DCLRE1C: variants seen among roughly 807,000 people sequenced by gnomAD.
The protein encoded by DCLRE1C is DNA cross-link repair 1C.
A neutral mutation model predicts 61.4 loss-of-function variants in DCLRE1C; 47 were observed. The observed-to-expected ratio is 0.77, with a 90% CI of 0.61 to 0.98. DCLRE1C has a LOEUF of 0.98. DCLRE1C is among the 50% of genes least tolerant of loss of function. The pLI is 0.00. For missense variants in DCLRE1C, 858 were observed against 816.0 expected (o/e 1.05, Z -0.63); for synonymous variants, 337 against 287.6 (o/e 1.17, Z -1.74).
At chr10:14,948,023 C>G (rs1352701523) in intron 2 of DCLRE1C, among the ~76,000 whole-genome samples, 1 of 152,142 alleles carries the variant, frequency 6.6e-6, no homozygotes, top group African/African-American at 2.4e-5. Context: ...GCACTCCAGC[C>G]TGGGCGACAG....
chr10:14,953,839 C>T (rs1287137560), intron 1 of DCLRE1C, 63 bp downstream of exon 1: 18 of 1,604,486 alleles, frequency 1.1e-5, no homozygotes, highest in African/African-American at 2.7e-5. Context: ...AGGGCCGGCC[C>T]CCTCCTGTCC....
At chr10:14,937,441 C>T (rs1840130438) in intron 4 of DCLRE1C, among the ~76,000 whole-genome samples, 1 of 151,966 alleles carries the variant, frequency 6.6e-6, no homozygotes, top group Non-Finnish European at 1.5e-5. Context: ...TGCCATCACG[C>T]CTGGCTAATT....
chr10:14,927,074 T>C (rs915713598), intron 10 of DCLRE1C, among the ~76,000 whole-genome samples, 177 bp from the exon 11 acceptor site: 5 of 152,196 alleles, frequency 3.3e-5, no homozygotes, highest in African/African-American at 1.2e-4. Context: ...GCAGGGAACC[T>C]TTTCCAGAAG....
At chr10:14,939,278 A>T (rs183308765) in intron 4 of DCLRE1C, among the ~76,000 whole-genome samples, 76 of 152,150 alleles carry the variant, frequency 5.0e-4, no homozygotes, top group African/African-American at 1.6e-3. Flanking sequence ...CTCTACTAAA[A>T]ATACAATAAT....
At chr10:14,953,841 C>G (rs1473339118) in intron 1 of DCLRE1C, 61 bp downstream of exon 1, 3 of 1,605,964 alleles carry the variant, frequency 1.9e-6, no homozygotes, top group Non-Finnish European at 1.7e-6. Context: ...GGCCGGCCCC[C>G]TCCTGTCCTC....
exon 14 of DCLRE1C, chr10:14,897,694 CT>C: frequency 2.1e-6 from 1 of 468,478 alleles, no homozygotes; most frequent in Non-Finnish European, 3.4e-6. Context: ...AAATAAAAAA[CT>C]TTTATATGAA....
chr10:14,917,356 T>C lies in DCLRE1C; in HGVS notation c.1156+2382A>G, dbSNP rs191117224. On this transcript the variant is annotated intron_variant, in intron 13 of 13. Transcript: ENST00000378278. ...TGGGTCAAAGATTTCTTAGATATGA[T>C]ACAAAAAAAAGTAAAAATTGATAAG... Among the ~76,000 whole-genome samples the C allele has an allele frequency of 2.2e-3, 335 of 151,874 alleles. 2 individuals carry two copies. The highest frequency in any genetic ancestry group is 3.1e-3 in the Non-Finnish European group (209 of 67,930).
At position 14,923,008 on chromosome 10, in the gene DCLRE1C, C is replaced by A; in HGVS notation, c.1034G>T (p.Gly345Val). 1 of 1,614,126 alleles carries A rather than the reference C, an allele frequency of 6.2e-7. No individual in the cohort carries two copies. The highest frequency in any genetic ancestry group is 8.5e-7 in the Non-Finnish European group (1 of 1,179,976). ...TTCGACAACTTTATCCATAGTTGTG[C>A]CAACTGGAATGACATTTGGATATGC... Reference protein sequence around the residue: ...VNAYPNVIPVGTTMDKVVEIL... With the variant: ...VNAYPNVIPVVTTMDKVVEIL... The change falls in exon 12 of 14, where the codon GGC becomes GTC. Residue 345 changes from glycine (G) to valine (V), a missense_variant. Physicochemically the swap from Gly to Val is moderately radical, Grantham distance 109. This residue lies in a region of DCLRE1C where 843 missense variants were observed against 783.5 expected (regional missense o/e 1.08). Transcript: ENST00000378278.
At chr10:14,909,925 A>T (rs891903260) in intron 13 of DCLRE1C, among the ~76,000 whole-genome samples, 2 of 152,270 alleles carry the variant, frequency 1.3e-5, no homozygotes, top group African/African-American at 4.8e-5. Flanking sequence ...CAAAACATTA[A>T]TAAGCATGCT....
At chr10:14,927,171 C>G (rs747891327) in intron 10 of DCLRE1C, among the ~76,000 whole-genome samples, 3 of 152,136 alleles carry the variant, frequency 2.0e-5, no homozygotes, top group Non-Finnish European at 4.4e-5. Context: ...TGCCTGAGCT[C>G]AGGAGTTCGA....
chr10:14,940,305 C>T lies in DCLRE1C; in HGVS notation c.247-436G>A, dbSNP rs41296972. ...CGGTTCTTTTATTTTTTTTTTTTTT[C>T]TCAGATGCATTCTCGCTCTGTCACC... On this transcript the variant is annotated intron_variant, in intron 3 of 13. Transcript: ENST00000378278. Among the ~76,000 whole-genome samples, 300 of 124,088 alleles carry T rather than the reference C, an allele frequency of 2.4e-3. 3 individuals carry two copies. The highest frequency in any genetic ancestry group is 0.018 in the Admixed American group (200 of 11,226). 81.4% of individuals were successfully genotyped at this position (124,088 alleles called of 152,430 possible).
rs1409082603 is a variant in DCLRE1C at position 14,908,485 on chromosome 10, G to A, written c.2002C>T (p.Gln668Ter). 1.2e-6 allele frequency: 2 copies of A among 1,613,940 alleles called. No individual in the cohort carries two copies. The highest frequency in any genetic ancestry group is 8.5e-7 in the Non-Finnish European group (1 of 1,179,966). The change falls in exon 14 of 14, where the codon CAA becomes TAA. Residue 668 changes from glutamine to a stop codon, truncating the protein, a stop_gained. Transcript: ENST00000378278. LOFTEE classifies it high-confidence loss of function. The stretch of plus-strand genomic sequence containing the variant: ...GTTGCCAGCTTCTCATATAAATATT[G>A]TAAATGCTCTCGTTTAGGTAACTCA... ...EAELPKREHL[Q>*]YLYEKLATGE... is the part of the protein sequence containing the mutation.
rs1246845265 is a variant in DCLRE1C at position 14,953,919 on chromosome 10, A to G, written c.92T>C (p.Leu31Pro). ...RENLRARAYFLSHCHKDHMKG... is the reference protein window; with the variant it reads ...RENLRARAYFPSHCHKDHMKG... ...TCACTCACCTTTGTGGCAGTGGGAC[A>G]GGAAGTAGGCGCGGGCCCTCAGGTT... is the stretch of plus-strand genomic sequence containing the variant. Residue 31 changes from leucine (L) to proline (P), a missense_variant, in exon 1 of 14, where the codon CTG becomes CCG. Transcript: ENST00000378278. The G allele has an allele frequency of 6.2e-7, 1 of 1,614,034 alleles. No homozygotes were observed. Among genetic ancestry groups the G allele is most frequent in the Non-Finnish European group, 8.5e-7 (1 of 1,179,914 alleles).
At position 14,907,352 on chromosome 10, in the gene DCLRE1C, C is replaced by CTG. The variant is rs1464684481; in HGVS notation, c.*1054_*1055dup. On this transcript the variant is annotated 3_prime_UTR_variant, in exon 14 of 14. Transcript: ENST00000378278. ...GTTTATGAGCAAAGATATGATCATG[C>CTG]TGAATGTTCCATGTGTACTTCAGGA... Among the ~76,000 whole-genome samples, 1 of 150,636 alleles carries CTG rather than the reference C, an allele frequency of 6.6e-6. No individual in the cohort carries two copies. Among genetic ancestry groups the CTG allele is most frequent in the Non-Finnish European group, 1.5e-5 (1 of 67,848 alleles).
At chr10:14,902,343 T>A, downstream of DCLRE1C, 1 of 1,186,102 alleles carries the variant, frequency 8.4e-7, no homozygotes, top group South Asian at 1.5e-5. Flanking sequence ...AATAGAAAAT[T>A]TGAAATTTAT....
At chr10:14,899,475 T>C (rs1220899560) in intron 13 of DCLRE1C, 1 of 1,543,630 alleles carries the variant, frequency 6.5e-7, no homozygotes, top group Non-Finnish European at 8.9e-7. Flanking sequence ...TATTAGTAGA[T>C]AGGTAGATGA....
Position 14,908,459 on chromosome 10 carries a change from A to G in DCLRE1C, c.2028T>C (p.Thr676=), listed in dbSNP as rs1186857313. Residue 676 remains threonine, a synonymous_variant, in exon 14 of 14, where the codon ACT becomes ACC. Coordinates refer to ENST00000378278, the MANE Select transcript of DCLRE1C (RefSeq NM_001033855.3). ...HLQYLYEKLA[T]GESIAVKKRK... Reference sequence around the variant, plus strand: ...TTTTTTTGACTGCTATACTCTCACCAGTTGCCAGCTTCTCATATAAATATT... The same window carrying G: ...TTTTTTTGACTGCTATACTCTCACCGGTTGCCAGCTTCTCATATAAATATT... 2 of 1,613,838 alleles carry G rather than the reference A, an allele frequency of 1.2e-6. No individual in the cohort carries two copies. The highest frequency in any genetic ancestry group is 2.2e-5 in the East Asian group (1 of 44,882).
In DCLRE1C at chr10:14,906,711, G is replaced by GTGTC. The variant is rs1419263374; in HGVS notation, c.*1693_*1696dup. 6.6e-6 allele frequency among the ~76,000 whole-genome samples: 1 copy of GTGTC among 152,112 alleles called. No homozygotes were observed. Among genetic ancestry groups the GTGTC allele is most frequent in the Non-Finnish European group, 1.5e-5 (1 of 68,018 alleles). The stretch of plus-strand genomic sequence containing the variant: ...ACTGATCTGCAAATTGTTTTAAGTG[G>GTGTC]TGTCTCTGCTTTTGCTTCCATAATC... On this transcript the variant is annotated 3_prime_UTR_variant, in exon 14 of 14. Coordinates refer to ENST00000378278, the MANE Select transcript of DCLRE1C (RefSeq NM_001033855.3).
intron 2 of DCLRE1C, among the ~76,000 whole-genome samples, chr10:14,946,305 G>A (rs1790868301): frequency 6.6e-6 from 1 of 152,098 alleles, no homozygotes; most frequent in African/African-American, 2.4e-5. Flanking sequence ...ACCGCGCCCA[G>A]ACCATAATAA....
Sources: allele counts gnomAD v4.1 joint callset (sites outside exome capture counted in the v4.1 genomes callset), GRCh38; gene constraint gnomAD v4.1.1; regional missense constraint gnomAD v4.1.1; transcripts MANE v1.5; gene names NCBI Gene and HGNC (gene_info 2026-07-23, HGNC 2026-07-21).